TTN: variants seen among roughly 807,000 people sequenced by gnomAD.
TTN encodes the protein connectin.
Under a neutral mutation model 3,223.0 loss-of-function variants are expected in TTN, and 1,525 were observed. The observed-to-expected ratio is 0.47, with a 90% CI of 0.45 to 0.49. The LOEUF (loss-of-function observed/expected upper bound fraction) is 0.49, where lower values mean the gene tolerates loss of function less well. TTN is among the 20% of genes least tolerant of loss of function. The pLI, the probability that TTN is intolerant of heterozygous loss-of-function variation, is 0.00. For synonymous variants in TTN, 14,094 were observed against 15,161.0 expected (o/e 0.93, Z 5.17); for missense variants, 40,786 against 43,424.0 (o/e 0.94, Z 5.40).
chr2:178,748,158 G>T, intron 47 of TTN: 1 of 1,613,152 alleles, frequency 6.2e-7, no homozygotes. Context: ...TTCTCAGAAA[G>T]ATCAGTTTCT....
chr2:178,627,504 C>A (rs1248752449), intron 240 of TTN, among the ~76,000 whole-genome samples: 1 of 151,928 alleles, frequency 6.6e-6, no homozygotes, highest in Admixed American at 6.6e-5. Context: ...TGAAAAGAGA[C>A]ATTTAAGTAA....
chr2:178,777,640 A>G, intron 25 of TTN, 56 bp from the exon 26 acceptor site: 1 of 1,613,452 alleles, frequency 6.2e-7, no homozygotes, highest in Non-Finnish European at 8.5e-7. Flanking sequence ...AAAAATTGTT[A>G]GATGCATACA....
rs776277442 is a variant in TTN at position 178,537,549 on chromosome 2, A to G, written c.99658T>C (p.Tyr33220His). ...VGSTLRLHVM[Y>H]IGRPVPAMTW... ...ATGGCAGGTACTGGACGACCAATGT[A>G]CATAACATGAAGCCGAAGTGTGGAA... The change falls in exon 355 of 363, where the codon TAC becomes CAC. Residue 33220 changes from tyrosine to histidine, a missense_variant. Coordinates refer to ENST00000589042, the MANE Select transcript of TTN (RefSeq NM_001267550.2). 4.3e-6 allele frequency: 7 copies of G among 1,613,790 alleles called. No individual in the cohort carries two copies. The East Asian group carries it at 1.6e-4, about 36-fold the overall frequency.
In TTN at chr2:178,572,287, T is replaced by C. The variant is rs1348720589; in HGVS notation, c.73845A>G (p.Glu24615=). Reference sequence around the variant, plus strand: ...TTATTTTTCCTGGAGGAAGAGGTCGTTCTGATGCTTTCACAGATTCTGCGG... The same window carrying C: ...TTATTTTTCCTGGAGGAAGAGGTCGCTCTGATGCTTTCACAGATTCTGCGG... The part of the protein sequence containing the change: ...AETAESVKAS[E]RPLPPGKITL... Residue 24615 remains glutamate, a synonymous_variant, in exon 326 of 363, where the codon GAA becomes GAG. Transcript: ENST00000589042. 1 of 1,612,688 alleles carries C rather than the reference T, an allele frequency of 6.2e-7. No homozygotes were observed. The highest frequency in any genetic ancestry group is 8.5e-7 in the Non-Finnish European group (1 of 1,178,986).
rs928815429 is a variant in TTN, at chr2:178,572,141, G to C, written c.73991C>G (p.Ala24664Gly). The change falls in exon 326 of 363, where the codon GCC (alanine) becomes GGC (glycine). Residue 24664 changes from alanine to glycine, a missense_variant. By Grantham distance (60) the Ala-to-Gly change is moderately conservative. Transcript: ENST00000589042. ...EMQTKGSDKW[A>G]TCATVKVTEA... ...AGTGACCTTGACTGTGGCACACGTGGCCCATTTGTCACTGCCTTTGGTCTG... is the reference window on the plus strand; with the variant it reads ...AGTGACCTTGACTGTGGCACACGTGCCCCATTTGTCACTGCCTTTGGTCTG... 6.2e-7 allele frequency: 1 copy of C among 1,613,222 alleles called. No homozygotes were observed. The highest frequency in any genetic ancestry group is 8.5e-7 in the Non-Finnish European group (1 of 1,179,600).
At position 178,732,532 on chromosome 2, in the gene TTN, T is replaced by C. The variant is rs72648939; in HGVS notation, c.16529A>G (p.Tyr5510Cys). ...KEALESSLEL[Y>C]LVKTSDSGTY... ...GCCCGAATCAGAGGTTTTTACTAAATAGAGTTCCAGGGAACTCTCTAAAGC... is the reference window on the plus strand; with the variant it reads ...GCCCGAATCAGAGGTTTTTACTAAACAGAGTTCCAGGGAACTCTCTAAAGC... The change falls in exon 56 of 363, where the codon TAT becomes TGT. Residue 5510 changes from tyrosine (Y) to cysteine (C), a missense_variant. By Grantham distance (194) the Tyr-to-Cys change is radical. Transcript: ENST00000589042. The C allele has an allele frequency of 8.3e-4, 1,341 of 1,613,728 alleles. 29 individuals are homozygous for C. The East Asian group carries it at 0.022, about 26-fold the overall frequency.
chr2:178,713,610 A>C lies in TTN; in HGVS notation c.26762-238T>G, dbSNP rs2562840. The C allele has an allele frequency of 0.99, 702,159 of 705,694 alleles. 349,419 individuals are homozygous for C. The highest frequency in any genetic ancestry group is 1 in the East Asian group (35,717 of 35,718). 43.7% of individuals were successfully genotyped at this position (705,694 alleles called of 1,614,324 possible). A position where few individuals can be genotyped will look rare whatever the true frequency, so the allele number is the denominator to read the frequency against. On this transcript the variant is annotated intron_variant, in intron 92 of 362. Coordinates refer to ENST00000589042, the MANE Select transcript of TTN (RefSeq NM_001267550.2). ...ATTTTGTTCTCTCTTTGCCGTGAAG[A>C]ATTATGTGGTGAATTATTTCAGCAT...
At chr2:178,638,558 T>C (rs2060806597) in intron 223 of TTN, among the ~76,000 whole-genome samples, 2 of 145,948 alleles carry the variant, frequency 1.4e-5, no homozygotes, top group South Asian at 2.1e-4. Context: ...ATAGTTCTCT[T>C]TTTTTTTTTT....
chr2:178,553,824 C>G lies in TTN; in HGVS notation c.89198-17G>C, dbSNP rs1700269824. ...CTGGAGGATCTGGAATGGCCATTCACAATAAAATAATTACACAATCATGTA... is the reference window on the plus strand; with the variant it reads ...CTGGAGGATCTGGAATGGCCATTCAGAATAAAATAATTACACAATCATGTA... On this transcript the variant is annotated splice_polypyrimidine_tract_variant and intron_variant, in intron 333 of 362. Coordinates refer to ENST00000589042, the MANE Select transcript of TTN (RefSeq NM_001267550.2). 1 of 1,569,154 alleles carries G rather than the reference C, an allele frequency of 6.4e-7. No homozygotes were observed. Among genetic ancestry groups the G allele is most frequent in the Non-Finnish European group, 8.6e-7 (1 of 1,158,804 alleles).
intron 36 of TTN, 47 bp from the exon 37 acceptor site, chr2:178,769,986 A>C (rs1210465690): frequency 1.2e-6 from 2 of 1,614,164 alleles, no homozygotes; most frequent in Non-Finnish European, 8.5e-7. Context: ...TTGTTTAAAA[A>C]GTAGATGAAA....
In TTN at chr2:178,678,740, C is replaced by T. The variant is rs752099208; in HGVS notation, c.33826+7G>A. ...TAAAAATATTGCAACATTGCAAGTT[C>T]ATGTACCTTTGGCAGGTGGAGCTTC... On this transcript the variant is annotated splice_region_variant and intron_variant, in intron 143 of 362. Coordinates refer to ENST00000589042, the MANE Select transcript of TTN (RefSeq NM_001267550.2). 6.9e-6 allele frequency: 11 copies of T among 1,596,972 alleles called. No homozygotes were observed. Among genetic ancestry groups the T allele is most frequent in the East Asian group, 2.3e-5 (1 of 43,956 alleles).
intron 22 of TTN, 21 bp downstream of exon 22, chr2:178,779,979 G>T (rs750001983): frequency 5.0e-6 from 8 of 1,601,904 alleles, no homozygotes; most frequent in Non-Finnish European, 6.0e-6. Context: ...TTGTTTGGTT[G>T]GTCATTACTT....
intron 83 of TTN, 82 bp from the exon 84 acceptor site, chr2:178,719,055 A>G: frequency 6.6e-7 from 1 of 1,521,964 alleles, no homozygotes. Flanking sequence ...AAAAAAAGGG[A>G]GCTAAGACTA....
At chr2:178,781,332 T>A (rs2092741698) in intron 20 of TTN, 69 bp from the exon 21 acceptor site, 4 of 1,569,336 alleles carry the variant, frequency 2.5e-6, no homozygotes, top group Non-Finnish European at 1.7e-6. Flanking sequence ...ATAATTGGAC[T>A]TATCTGTGAG....
intron 141 of TTN, 70 bp downstream of exon 141, chr2:178,679,529 C>T: frequency 2.5e-6 from 4 of 1,587,866 alleles, no homozygotes; most frequent in Non-Finnish European, 3.4e-6. Flanking sequence ...AGGTTTTGAA[C>T]TCAGAAGAAA....
At position 178,702,262 on chromosome 2, in the gene TTN, T is replaced by C; in HGVS notation, c.30434-17A>G. 1 of 1,613,914 alleles carries C rather than the reference T, an allele frequency of 6.2e-7. No homozygotes were observed. Among genetic ancestry groups the C allele is most frequent in the Non-Finnish European group, 8.5e-7 (1 of 1,179,864 alleles). On this transcript the variant is annotated splice_polypyrimidine_tract_variant and intron_variant, in intron 107 of 362. Transcript: ENST00000589042. ...AGTAGACACCTAGGGTGAAAAATCATCCAACTTTTGTTTTCTGATATGTTG... is the reference window on the plus strand; with the variant it reads ...AGTAGACACCTAGGGTGAAAAATCACCCAACTTTTGTTTTCTGATATGTTG...
Position 178,614,261 on chromosome 2 carries a change from C to T in TTN, c.49136G>A (p.Gly16379Asp), listed in dbSNP as rs1355270834. ...AACATAGTTTGTGATCTTAGATCCA[C>T]CATCATCGCGTGGTGGGTTCCATGT... ...LLTWNPPRDD[G>D]GSKITNYVVE... Residue 16379 changes from glycine (G) to aspartate (D), a missense_variant, in exon 262 of 363, where the codon GGT becomes GAT. By Grantham distance (94) the Gly-to-Asp change is moderately conservative. Transcript: ENST00000589042. 3 of 1,612,648 alleles carry T rather than the reference C, an allele frequency of 1.9e-6. No homozygotes were observed. The highest frequency in any genetic ancestry group is 1.7e-6 in the Non-Finnish European group (2 of 1,179,272).
Position 178,704,634 on chromosome 2 carries a change from T to G in TTN, c.29838A>C (p.Lys9946Asn), listed in dbSNP as rs1181662412. ...KGTEKLEPSD[K>N]FEISIDGDRH... Reference sequence around the variant, plus strand: ...GGTCACCATCAATGCTTATTTCAAATTTATCACTGGGTTCCAGTTTTTCAG... The same window carrying G: ...GGTCACCATCAATGCTTATTTCAAAGTTATCACTGGGTTCCAGTTTTTCAG... Residue 9946 changes from lysine to asparagine, a missense_variant, in exon 105 of 363, where the codon AAA (lysine) becomes AAC (asparagine). Transcript: ENST00000589042. 6.2e-7 allele frequency: 1 copy of G among 1,612,586 alleles called. No individual in the cohort carries two copies. The highest frequency in any genetic ancestry group is 2.2e-5 in the East Asian group (1 of 44,870).
In TTN at chr2:178,599,739, G is replaced by A. The variant is rs1484664592; in HGVS notation, c.56162C>T (p.Ala18721Val). The change falls in exon 289 of 363, where the codon GCT (alanine) becomes GTT (valine). Residue 18721 changes from alanine to valine, a missense_variant. Physicochemically the swap from Ala to Val is moderately conservative, Grantham distance 64 (BLOSUM62 0). Coordinates refer to ENST00000589042, the MANE Select transcript of TTN (RefSeq NM_001267550.2). ...VPFPTLTWFK[A>V]PPKKPDNKEP... is the part of the protein sequence containing the mutation. ...TTTGTTATCAGGCTTCTTTGGAGGAGCTTTAAACCAGGTTAGTGTCGGGAA... is the reference window on the plus strand; with the variant it reads ...TTTGTTATCAGGCTTCTTTGGAGGAACTTTAAACCAGGTTAGTGTCGGGAA... 6 of 1,612,838 alleles carry A rather than the reference G, an allele frequency of 3.7e-6. No homozygotes were observed. Among genetic ancestry groups the A allele is most frequent in the South Asian group, 3.3e-5 (3 of 90,964 alleles).
Sources: allele counts gnomAD v4.1 joint callset (sites outside exome capture counted in the v4.1 genomes callset), GRCh38; gene constraint gnomAD v4.1.1; transcripts MANE v1.5; gene names NCBI Gene and HGNC (gene_info 2026-07-23, HGNC 2026-07-21).